NDUFAF2: variants seen among roughly 807,000 people sequenced by gnomAD.
The protein encoded by NDUFAF2 is NADH:ubiquinone oxidoreductase complex assembly factor 2, also known as NADH dehydrogenase [ubiquinone] 1 alpha subcomplex assembly factor 2.
In NDUFAF2, 13 loss-of-function variants were observed where a neutral mutation model predicts 22.8. That is an observed-to-expected ratio of 0.57 (90% CI 0.37 to 0.91). The LOEUF is 0.91. Among genes scored for constraint, NDUFAF2 ranks in the 40% least tolerant of loss-of-function variants. The pLI is 0.01. For synonymous variants in NDUFAF2, 53 were observed against 64.2 expected (o/e 0.83, Z 0.84); for missense variants, 162 against 195.2 (o/e 0.83, Z 1.01).
intron 1 of NDUFAF2, among the ~76,000 whole-genome samples, chr5:61,040,266 A>C (rs1561548506): frequency 8.5e-6 from 1 of 117,398 alleles, no homozygotes; most frequent in African/African-American, 4.0e-5. Context: ...ACACACACAC[A>C]CACACACACA....
At chr5:60,979,117 T>G (rs1750942115) in intron 1 of NDUFAF2, among the ~76,000 whole-genome samples, 1 of 152,146 alleles carries the variant, frequency 6.6e-6, no homozygotes, top group Non-Finnish European at 1.5e-5. Context: ...ATTTATTACT[T>G]GCTGACAAAA....
chr5:61,020,141 A>G (rs182294060), intron 1 of NDUFAF2, among the ~76,000 whole-genome samples: 14 of 152,270 alleles, frequency 9.2e-5, no homozygotes, highest in Admixed American at 1.3e-4. Context: ...ATATATTTGT[A>G]AATTCCTAAC....
chr5:61,002,624 C>G (rs1309390771), intron 1 of NDUFAF2, among the ~76,000 whole-genome samples: 1 of 152,160 alleles, frequency 6.6e-6, no homozygotes, highest in African/African-American at 2.4e-5. Flanking sequence ...CACCAGGAGA[C>G]TAAAACATTG....
intron 1 of NDUFAF2, among the ~76,000 whole-genome samples, chr5:61,005,903 C>T (rs1751360166): frequency 6.6e-6 from 1 of 152,110 alleles, no homozygotes; most frequent in Non-Finnish European, 1.5e-5. Context: ...CCTGTTCACT[C>T]TGATGGTAGT....
chr5:61,020,093 G>C (rs1346335440), intron 1 of NDUFAF2, among the ~76,000 whole-genome samples: 2 of 151,906 alleles, frequency 1.3e-5, no homozygotes, highest in Non-Finnish European at 2.9e-5. Flanking sequence ...AAGTTTATTT[G>C]TATAACATTA....
chr5:61,069,199 T>C (rs1408832928), intron 1 of NDUFAF2, among the ~76,000 whole-genome samples: 1 of 151,980 alleles, frequency 6.6e-6, no homozygotes, highest in Non-Finnish European at 1.5e-5. Context: ...AACAAAACAT[T>C]GTTGTGAACT....
At position 61,153,008 on chromosome 5, in the gene NDUFAF2, TAAAAG is replaced by T; in HGVS notation, c.*56_*60del. 1 of 1,589,268 alleles carries T rather than the reference TAAAAG, an allele frequency of 6.3e-7. No individual in the cohort carries two copies. The highest frequency in any genetic ancestry group is 8.6e-7 in the Non-Finnish European group (1 of 1,161,428). On this transcript the variant is annotated 3_prime_UTR_variant, in exon 4 of 4. Coordinates refer to ENST00000296597, the MANE Select transcript of NDUFAF2 (RefSeq NM_174889.5). ...ATATGGATGTGACTATTTTAACAAATAAAAGAAGTGAAAAGTTATTTACCTTGTAT... is the reference window on the plus strand; with the variant it reads ...ATATGGATGTGACTATTTTAACAAATAAGTGAAAAGTTATTTACCTTGTAT...
At chr5:61,007,538 A>C (rs1420281777) in intron 1 of NDUFAF2, among the ~76,000 whole-genome samples, 1 of 152,168 alleles carries the variant, frequency 6.6e-6, no homozygotes, top group Admixed American at 6.6e-5. Context: ...GCAGCCAAAA[A>C]ACATATGAAA....
chr5:60,994,233 C>T (rs1751199014), intron 1 of NDUFAF2, among the ~76,000 whole-genome samples: 1 of 152,386 alleles, frequency 6.6e-6, no homozygotes. Context: ...GCAGACACTT[C>T]TGAGCCTGTT....
intron 3 of NDUFAF2, among the ~76,000 whole-genome samples, chr5:61,100,802 T>A (rs1426640838): frequency 6.6e-6 from 1 of 152,114 alleles, no homozygotes; most frequent in Non-Finnish European, 1.5e-5. Context: ...CCAAATAGTC[T>A]TTGTTTGTGG....
At chr5:60,975,169 T>C (rs1470015832) in intron 1 of NDUFAF2, among the ~76,000 whole-genome samples, 1 of 152,172 alleles carries the variant, frequency 6.6e-6, no homozygotes, top group East Asian at 1.9e-4. Context: ...GGCATGAGTT[T>C]TATTTGTTCT....
rs545165307 is a variant in NDUFAF2 at position 61,111,724 on chromosome 5, T to C, written c.258+12692T>C. Among the ~76,000 whole-genome samples, 5 of 152,176 alleles carry C rather than the reference T, an allele frequency of 3.3e-5. No individual in the cohort carries two copies. In the South Asian group the frequency reaches 1.0e-3, roughly 32 times the overall value. On this transcript the variant is annotated intron_variant, in intron 3 of 3. Coordinates refer to ENST00000296597, the MANE Select transcript of NDUFAF2 (RefSeq NM_174889.5). ...AGCTCTGCCTCCTGGGTTTACACCA[T>C]TCTCCTGCCTCAGCCTCCTGAGTAG...
In NDUFAF2 at chr5:61,062,291, C is replaced by T. The variant is rs141872213; in HGVS notation, c.128-10834C>T. 1.8e-3 allele frequency among the ~76,000 whole-genome samples: 281 copies of T among 151,976 alleles called. 3 individuals carry two copies. The highest frequency in any genetic ancestry group is 6.6e-3 in the African/African-American group (273 of 41,454). On this transcript the variant is annotated intron_variant, in intron 1 of 3. Coordinates refer to ENST00000296597, the MANE Select transcript of NDUFAF2 (RefSeq NM_174889.5). The stretch of plus-strand genomic sequence containing the variant: ...AAACTCATTAAGAAAGAAGACGGTG[C>T]AAATAGGCAATTCAGTGAAGACAGA...
At chr5:61,014,449 G>A (rs932351091) in intron 1 of NDUFAF2, among the ~76,000 whole-genome samples, 1 of 152,096 alleles carries the variant, frequency 6.6e-6, no homozygotes, top group Admixed American at 6.6e-5. Flanking sequence ...ATTGTAAGTA[G>A]GTGGTAGTGA....
chr5:61,031,800 C>T (rs1384277790), intron 1 of NDUFAF2, among the ~76,000 whole-genome samples: 1 of 152,186 alleles, frequency 6.6e-6, no homozygotes, highest in East Asian at 1.9e-4. Flanking sequence ...GGAATTGCCA[C>T]ACTGTCTTCC....
In NDUFAF2 at chr5:61,100,560, C is replaced by T. The variant is rs981949122; in HGVS notation, c.258+1528C>T. On this transcript the variant is annotated intron_variant, in intron 3 of 3. Coordinates refer to ENST00000296597, the MANE Select transcript of NDUFAF2 (RefSeq NM_174889.5). ...ATACACACACACACACACACACACA[C>T]TCTTTTCCTTCCTCTTGGCCCTTTC... is the stretch of plus-strand genomic sequence containing the variant. Among the ~76,000 whole-genome samples, 34 of 144,768 alleles carry T rather than the reference C, an allele frequency of 2.3e-4. No individual in the cohort carries two copies. The South Asian group carries it at 7.1e-3, about 30-fold the overall frequency. 95.0% of individuals were successfully genotyped at this position (144,768 alleles called of 152,430 possible).
chr5:60,983,660 C>G (rs1437505611), intron 1 of NDUFAF2, among the ~76,000 whole-genome samples: 1 of 151,218 alleles, frequency 6.6e-6, no homozygotes, highest in African/African-American at 2.4e-5. Context: ...AATAGGGAAT[C>G]CTTTCCCCAT....
At chr5:61,034,922 G>A (rs983445460) in intron 1 of NDUFAF2, among the ~76,000 whole-genome samples, 7 of 151,744 alleles carry the variant, frequency 4.6e-5, no homozygotes, top group African/African-American at 1.7e-4. Context: ...ATGTGTGTGT[G>A]TGTGTGTGTG....
At chr5:61,138,427 G>A (rs539358558) in intron 3 of NDUFAF2, among the ~76,000 whole-genome samples, 1 of 152,302 alleles carries the variant, frequency 6.6e-6, no homozygotes, top group Non-Finnish European at 1.5e-5. Context: ...TTGCGTAAGG[G>A]AAGGTGATTT....
Sources: gnomAD v4.1 joint callset for allele counts (sites outside exome capture counted in the v4.1 genomes callset) on GRCh38, gnomAD v4.1.1 for gene constraint, MANE v1.5 for transcripts, NCBI Gene and HGNC (gene_info 2026-07-23, HGNC 2026-07-21) for gene names.